GDPD1: variants seen among roughly 807,000 people sequenced by gnomAD.
GDPD1 encodes the protein lysophospholipase D GDPD1.
A neutral mutation model predicts 45.1 loss-of-function variants in GDPD1; 28 were observed. The observed-to-expected ratio is 0.62, with a 90% CI of 0.46 to 0.85. The LOEUF (loss-of-function observed/expected upper bound fraction) is 0.85, where lower values mean the gene tolerates loss of function less well. GDPD1 is among the 40% of genes least tolerant of loss of function. GDPD1 has a pLI of 0.00. For missense variants in GDPD1, 256 were observed against 364.8 expected, an observed-to-expected ratio of 0.70 and a Z score of 2.43; for synonymous variants, 139 against 131.4, an observed-to-expected ratio of 1.06 and a Z score of -0.40.
intron 1 of GDPD1, among the ~76,000 whole-genome samples, chr17:59,232,581 G>T (rs1187509686): frequency 1.3e-5 from 2 of 152,124 alleles, no homozygotes; most frequent in South Asian, 4.1e-4. Flanking sequence ...CTGAATCAAG[G>T]TGATCATGAT....
intron 4 of GDPD1, among the ~76,000 whole-genome samples, chr17:59,251,913 TGGG>T (rs909728566): frequency 7.9e-6 from 1 of 126,428 alleles, no homozygotes; most frequent in African/African-American, 3.1e-5. Context: ...GAGGCTGAGG[TGGG>T]GGGATTGCTG....
At chr17:59,246,709 C>CAAAAAAAAAAAA (rs749077536) in intron 3 of GDPD1, among the ~76,000 whole-genome samples, 2 of 27,544 alleles carry the variant, frequency 7.3e-5, no homozygotes, top group East Asian at 1.4e-3. Flanking sequence ...GACTCCATCT[C>CAAAAAAAAAAAA]AAAAAAAAAA....
At chr17:59,239,453 T>C (rs536808948) in intron 2 of GDPD1, among the ~76,000 whole-genome samples, 5 of 152,252 alleles carry the variant, frequency 3.3e-5, no homozygotes, top group African/African-American at 4.8e-5. Flanking sequence ...AAATATCTGA[T>C]ATTTCAATGG....
rs1204864347 is a variant in GDPD1, at chr17:59,255,836, T to C, written c.368-1286T>C. On this transcript the variant is annotated intron_variant, in intron 4 of 9. Transcript: ENST00000284116. ...ACGCGTATATATATATACGCGTATA[T>C]ATATATATATATATACACACGTATA... Among the ~76,000 whole-genome samples, 38 of 85,056 alleles carry C rather than the reference T, an allele frequency of 4.5e-4. 2 individuals carry two copies. Among genetic ancestry groups the C allele is most frequent in the African/African-American group, 2.9e-3 (38 of 12,976 alleles). 55.8% of individuals were successfully genotyped at this position (85,056 alleles called of 152,430 possible). A position where few individuals can be genotyped will look rare whatever the true frequency, so the allele number is the denominator to read the frequency against.
chr17:59,223,436 A>C (rs1242453202), intron 1 of GDPD1, among the ~76,000 whole-genome samples: 5 of 152,212 alleles, frequency 3.3e-5, no homozygotes, highest in Non-Finnish European at 7.3e-5. Context: ...GAGATAAAAC[A>C]CTTTGTAATT....
At chr17:59,257,628 G>T in intron 5 of GDPD1, 123 bp from the exon 6 acceptor site, 2 of 625,070 alleles carry the variant, frequency 3.2e-6, no homozygotes, top group Non-Finnish European at 2.8e-6. Context: ...TTTACATATT[G>T]ATTCTTCCAA....
At chr17:59,221,837 G>A (rs977995118) in intron 1 of GDPD1, among the ~76,000 whole-genome samples, 1 of 152,098 alleles carries the variant, frequency 6.6e-6, no homozygotes, top group South Asian at 2.1e-4. Flanking sequence ...CTAAAACTTG[G>A]TGTAGTACCA....
intron 4 of GDPD1, among the ~76,000 whole-genome samples, chr17:59,253,780 T>C (rs2047274409): frequency 6.6e-6 from 1 of 152,054 alleles, no homozygotes; most frequent in Admixed American, 6.6e-5. Context: ...TTGGCCCAGC[T>C]TGGGTCATGT....
At chr17:59,235,741 C>T (rs1184423955) in intron 2 of GDPD1, among the ~76,000 whole-genome samples, 2 of 151,186 alleles carry the variant, frequency 1.3e-5, no homozygotes, top group Non-Finnish European at 2.9e-5. Flanking sequence ...TGCTTGAACC[C>T]GAGAGGCAGA....
In GDPD1 at chr17:59,275,134, A is replaced by C; in HGVS notation, c.*1361A>C. On this transcript the variant is annotated 3_prime_UTR_variant, in exon 10 of 10. Coordinates refer to ENST00000284116, the MANE Select transcript of GDPD1 (RefSeq NM_182569.4). ...TGGGATTACAGGTTTGAACCACTGC[A>C]CCCGGCCAGTAAAAGAAATTTTGAA... The C allele has an allele frequency of 6.5e-6, 10 of 1,535,566 alleles. No individual in the cohort carries two copies. Among genetic ancestry groups the C allele is most frequent in the Non-Finnish European group, 7.9e-6 (9 of 1,145,708 alleles).
At chr17:59,266,540 G>C (rs1173905629) in intron 6 of GDPD1, among the ~76,000 whole-genome samples, 1 of 151,716 alleles carries the variant, frequency 6.6e-6, no homozygotes, top group African/African-American at 2.4e-5. Context: ...TTAGATTCTT[G>C]GATTAGTTTA....
In GDPD1 at chr17:59,275,093, C is replaced by T. The variant is rs1267039633; in HGVS notation, c.*1320C>T. The T allele has an allele frequency of 6.6e-6, 9 of 1,370,710 alleles. No homozygotes were observed. Among genetic ancestry groups the T allele is most frequent in the African/African-American group, 4.3e-5 (3 of 69,814 alleles). 84.9% of individuals were successfully genotyped at this position (1,370,710 alleles called of 1,614,324 possible). On this transcript the variant is annotated 3_prime_UTR_variant, in exon 10 of 10. Coordinates refer to ENST00000284116, the MANE Select transcript of GDPD1 (RefSeq NM_182569.4). ...CTGACCTCAGGTGATCCACCCACCT[C>T]GGCCTCTCAAAGTGCTGGGATTACA...
intron 3 of GDPD1, among the ~76,000 whole-genome samples, chr17:59,246,007 C>T (rs1004453392): frequency 5.3e-5 from 8 of 151,838 alleles, no homozygotes; most frequent in Admixed American, 5.3e-4. Flanking sequence ...GTAATCCCAG[C>T]TACTTGGGAG....
Position 59,275,955 on chromosome 17 carries a change from G to A in GDPD1, c.*2182G>A, listed in dbSNP as rs183732716. ...GCTTTGTTGTTTAAACTGAAATAAA[G>A]TTTTCCAAGAACAAAGTAAGCATTC... On this transcript the variant is annotated 3_prime_UTR_variant, in exon 10 of 10. Transcript: ENST00000284116. The A allele has an allele frequency of 1.3e-4, 20 of 152,216 alleles. No individual in the cohort carries two copies. The highest frequency in any genetic ancestry group is 4.6e-4 in the African/African-American group (19 of 41,554). 9.4% of individuals were successfully genotyped at this position (152,216 alleles called of 1,614,324 possible).
In GDPD1 at chr17:59,273,026, G is replaced by C. The variant is rs1000943995; in HGVS notation, c.822+190G>C. 1.8e-5 allele frequency: 24 copies of C among 1,309,966 alleles called. No individual in the cohort carries two copies. The African/African-American group carries it at 3.3e-4, about 18-fold the overall frequency. The allele number at this position is 1,309,966 out of a possible 1,614,324, so 81.1% of individuals were successfully genotyped here. A position where few individuals can be genotyped will look rare whatever the true frequency, so the allele number is the denominator to read the frequency against. On this transcript the variant is annotated intron_variant, in intron 9 of 9. Transcript: ENST00000284116. ...TAAAGCATTGGCATTTCTGGATCTAGATTCCTCTTATGTACAGAATAGCTG... is the reference window on the plus strand; with the variant it reads ...TAAAGCATTGGCATTTCTGGATCTACATTCCTCTTATGTACAGAATAGCTG...
At chr17:59,230,541 C>A (rs2047081650) in intron 1 of GDPD1, among the ~76,000 whole-genome samples, 1 of 151,822 alleles carries the variant, frequency 6.6e-6, no homozygotes, top group African/African-American at 2.4e-5. Context: ...CGCCACCATG[C>A]CCGGCTAATT....
At chr17:59,260,966 G>A (rs1009434799) in intron 6 of GDPD1, 3 of 152,106 alleles carry the variant, frequency 2.0e-5, no homozygotes, top group Non-Finnish European at 4.4e-5. Flanking sequence ...TCCCACTAAA[G>A]CAAGTAAGTT....
At chr17:59,247,828 C>G (rs1309172945) in intron 3 of GDPD1, among the ~76,000 whole-genome samples, 1 of 152,014 alleles carries the variant, frequency 6.6e-6, no homozygotes, top group Non-Finnish European at 1.5e-5. Flanking sequence ...CAGGGTTTCA[C>G]CATGTTGGTC....
At chr17:59,234,562 C>T in intron 2 of GDPD1, 28 bp downstream of exon 2, 1 of 1,519,150 alleles carries the variant, frequency 6.6e-7, no homozygotes, top group South Asian at 1.1e-5. Context: ...GTAAAAGGTA[C>T]TCTTTTCTTT....
Sources: allele counts gnomAD v4.1 joint callset (sites outside exome capture counted in the v4.1 genomes callset), GRCh38; gene constraint gnomAD v4.1.1; transcripts MANE v1.5; gene names NCBI Gene and HGNC (gene_info 2026-07-23, HGNC 2026-07-21).